The following NCKAP5 variants were observed in gnomAD, a reference collection of about 807,000 sequenced individuals.
NCKAP5 encodes nck-associated protein 5.
NCKAP5 carries 92 observed loss-of-function variants against 167.0 expected under a neutral mutation model. That is an observed-to-expected ratio of 0.55 (90% CI 0.47 to 0.66). The LOEUF (loss-of-function observed/expected upper bound fraction) is 0.66, where lower values mean the gene tolerates loss of function less well. NCKAP5 is among the 30% of genes least tolerant of loss of function. The pLI is 0.00. For missense variants in NCKAP5, 2,378 were observed against 2,315.0 expected, an observed-to-expected ratio of 1.03 and a Z score of -0.56; for synonymous variants, 891 against 877.4, an observed-to-expected ratio of 1.02 and a Z score of -0.27.
intron 2 of NCKAP5, among the ~76,000 whole-genome samples, chr2:133,519,429 G>A (rs1684293882): frequency 6.6e-6 from 1 of 152,136 alleles, no homozygotes; most frequent in Non-Finnish European, 1.5e-5. Context: ...AAATTTGTTT[G>A]GGAGGCTGCC....
Position 132,782,201 on chromosome 2 carries a change from G to C in NCKAP5, c.4610C>G (p.Ala1537Gly), listed in dbSNP as rs376182292. The change falls in exon 14 of 20, where the codon GCA (alanine) becomes GGA (glycine). Residue 1537 changes from alanine to glycine, a missense_variant. Coordinates refer to ENST00000409261, the MANE Select transcript of NCKAP5 (RefSeq NM_207363.3). ...ISKTKVEKKD[A>G]KVLGFGNRQL... ...TCTGTTTCCAAACCCCAAGACTTTT[G>C]CATCTTTCTTTTCTACTTTGGTTTT... 8 of 1,613,248 alleles carry C rather than the reference G, an allele frequency of 5.0e-6. No homozygotes were observed. The highest frequency in any genetic ancestry group is 5.9e-6 in the Non-Finnish European group (7 of 1,179,766).
intron 3 of NCKAP5, among the ~76,000 whole-genome samples, chr2:133,392,919 T>A (rs1030643180): frequency 1.3e-5 from 2 of 152,182 alleles, no homozygotes; most frequent in East Asian, 1.9e-4. Flanking sequence ...GGCAACAGCG[T>A]CGAAAACTGA....
chr2:133,513,039 C>T (rs559102379), intron 3 of NCKAP5, among the ~76,000 whole-genome samples: 1 of 152,262 alleles, frequency 6.6e-6, no homozygotes, highest in South Asian at 2.1e-4. Flanking sequence ...GCCTATCCCC[C>T]TGTATCAGCC....
At chr2:133,388,342 ATGCAGAACAGCAAATAT>A (rs1474726359) in intron 3 of NCKAP5, among the ~76,000 whole-genome samples, 1 of 152,164 alleles carries the variant, frequency 6.6e-6, no homozygotes, top group Admixed American at 6.5e-5. Flanking sequence ...GTAGCGGAGG[ATGCAGAACAGCAAATAT>A]TGCTGAACAG....
chr2:133,549,225 AAAGC>A (rs1373168331), intron 2 of NCKAP5, among the ~76,000 whole-genome samples: 1 of 152,094 alleles, frequency 6.6e-6, no homozygotes, highest in Non-Finnish European at 1.5e-5. Context: ...CCAGGTTCAT[AAAGC>A]AAGTCCTGAG....
In NCKAP5 at chr2:133,169,697, CAT is replaced by C. The variant is rs375034147; in HGVS notation, c.208-39588_208-39587del. ...TGCGGCGAGCCCACACCCGCACACA[CAT>C]GAGGCCAACTCCCCACAAGAGTGCT... is the stretch of plus-strand genomic sequence containing the variant. On this transcript the variant is annotated intron_variant, in intron 5 of 19. Coordinates refer to ENST00000409261, the MANE Select transcript of NCKAP5 (RefSeq NM_207363.3). 2.4e-3 allele frequency among the ~76,000 whole-genome samples: 359 copies of C among 152,330 alleles called. 4 individuals carry two copies. The highest frequency in any genetic ancestry group is 7.8e-3 in the African/African-American group (325 of 41,574).
At chr2:133,624,402 C>T in the NCKAP5 span, among the ~76,000 whole-genome samples, 1 of 152,074 alleles carries the variant, frequency 6.6e-6, no homozygotes, top group Non-Finnish European at 1.5e-5. Flanking sequence ...GGAGTTTCTA[C>T]CCATGAGTGT....
chr2:133,636,624 A>G, the NCKAP5 span, among the ~76,000 whole-genome samples: 3 of 152,222 alleles, frequency 2.0e-5, no homozygotes, highest in Middle Eastern at 3.2e-3. Context: ...TTAAATGCCT[A>G]TCTCACTAGC....
chr2:133,472,356 C>A (rs1486768256), intron 3 of NCKAP5, among the ~76,000 whole-genome samples: 4 of 152,050 alleles, frequency 2.6e-5, no homozygotes, highest in Non-Finnish European at 5.9e-5. Context: ...ATATCAAGAG[C>A]ATCTTATGCT....
the NCKAP5 span, among the ~76,000 whole-genome samples, chr2:133,635,752 T>C: frequency 6.6e-6 from 1 of 152,060 alleles, no homozygotes. Flanking sequence ...AAAAAAATAG[T>C]TTGGATGTAA....
At chr2:133,312,548 C>G (rs1411570509) in intron 3 of NCKAP5, among the ~76,000 whole-genome samples, 1 of 152,068 alleles carries the variant, frequency 6.6e-6, no homozygotes, top group Non-Finnish European at 1.5e-5. Context: ...AAATCCCCAG[C>G]CTAAAGACAA....
chr2:133,617,822 C>A, the NCKAP5 span, among the ~76,000 whole-genome samples: 37 of 150,684 alleles, frequency 2.5e-4, no homozygotes, highest in Admixed American at 8.6e-4. Context: ...TCATATGGAA[C>A]CAAAAAAGAG....
Position 133,467,969 on chromosome 2 carries a change from A to G in NCKAP5, c.69+49489T>C, listed in dbSNP as rs1454210081. On this transcript the variant is annotated intron_variant, in intron 3 of 19. Transcript: ENST00000409261. ...ATCCTTTCAAAAAACCAGCTCCTGG[A>G]TTCATTAATTTTTTGAAGGGTTTTT... Among the ~76,000 whole-genome samples the G allele has an allele frequency of 4.9e-5, 6 of 121,920 alleles. 1 individual carries two copies. In the East Asian group the frequency reaches 1.2e-3, roughly 24 times the overall value. 80.0% of individuals were successfully genotyped at this position (121,920 alleles called of 152,430 possible). A position where few individuals can be genotyped will look rare whatever the true frequency, so the allele number is the denominator to read the frequency against.
At position 133,492,648 on chromosome 2, in the gene NCKAP5, T is replaced by A. The variant is rs188780205; in HGVS notation, c.69+24810A>T. 9.5e-4 allele frequency among the ~76,000 whole-genome samples: 145 copies of A among 152,312 alleles called. 1 individual carries two copies. Among genetic ancestry groups the A allele is most frequent in the African/African-American group, 2.9e-3 (119 of 41,572 alleles). On this transcript the variant is annotated intron_variant, in intron 3 of 19. Transcript: ENST00000409261. ...TTCCTCATCTATAAAATAGGCATGA[T>A]TATGCCAATCTCACAGGGATGTTAG...
the NCKAP5 span, among the ~76,000 whole-genome samples, chr2:133,601,698 A>T: frequency 6.6e-6 from 1 of 152,230 alleles, no homozygotes; most frequent in African/African-American, 2.4e-5. Context: ...GCGCCACTGC[A>T]CTCCAGCCTA....
At chr2:132,952,516 T>C (rs1358351248) in intron 8 of NCKAP5, among the ~76,000 whole-genome samples, 1 of 152,194 alleles carries the variant, frequency 6.6e-6, no homozygotes, top group Non-Finnish European at 1.5e-5. Context: ...CAGTTGGTCA[T>C]AACTGATAAA....
At chr2:133,065,628 A>AT (rs558541299) in intron 6 of NCKAP5, among the ~76,000 whole-genome samples, 2 of 151,912 alleles carry the variant, frequency 1.3e-5, no homozygotes, top group Non-Finnish European at 1.5e-5. Flanking sequence ...TATCTTAAAA[A>AT]TTTTTTTTCT....
intron 3 of NCKAP5, among the ~76,000 whole-genome samples, chr2:133,504,070 A>G (rs1204949327): frequency 2.6e-5 from 4 of 151,048 alleles, no homozygotes; most frequent in African/African-American, 4.9e-5. Context: ...TTGCAGAGGG[A>G]AAAAAAAAGT....
intron 15 of NCKAP5, among the ~76,000 whole-genome samples, chr2:132,777,915 C>T (rs898990711): frequency 1.3e-5 from 2 of 151,806 alleles, no homozygotes; most frequent in Admixed American, 6.6e-5. Flanking sequence ...TTAAAATACC[C>T]ATACTAAAAT....
Sources: gnomAD v4.1 joint callset for allele counts (sites outside exome capture counted in the v4.1 genomes callset) on GRCh38, gnomAD v4.1.1 for gene constraint, MANE v1.5 for transcripts, NCBI Gene and HGNC (gene_info 2026-07-23, HGNC 2026-07-21) for gene names.